IL18R1: variants seen among roughly 807,000 people sequenced by gnomAD.
IL18R1 encodes the protein interleukin-18 receptor 1.
Under a neutral mutation model 48.5 loss-of-function variants are expected in IL18R1, and 40 were observed. The ratio of observed to expected loss-of-function variants is 0.82; its 90% CI spans 0.64 to 1.07. The LOEUF (loss-of-function observed/expected upper bound fraction) is 1.07. Ranked by LOEUF, IL18R1 falls within the 50% of genes least tolerant of loss-of-function variation. The probability of loss-of-function intolerance (pLI) is 0.00; values close to 1 mark genes in which losing one functional copy is unlikely to be tolerated. For missense variants in IL18R1, 596 were observed against 633.7 expected (o/e 0.94, Z 0.64); for synonymous variants, 232 against 225.9 (o/e 1.03, Z -0.24).
intron 5 of IL18R1, among the ~76,000 whole-genome samples, chr2:102,380,246 A>G (rs935953244): frequency 6.6e-6 from 1 of 152,186 alleles, no homozygotes; most frequent in African/African-American, 2.4e-5. Flanking sequence ...CCAGTTGTGC[A>G]AACTCAGGGC....
rs1680867091 is a variant in IL18R1, at chr2:102,397,122, T to C, written c.*236T>C. The C allele has an allele frequency of 2.3e-6, 1 of 442,458 alleles. No homozygotes were observed. Among genetic ancestry groups the C allele is most frequent in the Non-Finnish European group, 4.0e-6 (1 of 251,850 alleles). The allele number at this position is 442,458 out of a possible 1,614,324, so 27.4% of individuals were successfully genotyped here. A position where few individuals can be genotyped will look rare whatever the true frequency, so the allele number is the denominator to read the frequency against. On this transcript the variant is annotated 3_prime_UTR_variant, in exon 11 of 11. Coordinates refer to ENST00000233957, the MANE Select transcript of IL18R1 (RefSeq NM_003855.5). ...TTCAAAAGAAATGGAGCTATTCTTT[T>C]TCTCCCTCTTTCATAACTGGATGCA... is the stretch of plus-strand genomic sequence containing the variant.
intron 9 of IL18R1, among the ~76,000 whole-genome samples, chr2:102,391,509 G>A (rs1680568309): frequency 6.6e-6 from 1 of 152,120 alleles, no homozygotes. Flanking sequence ...CATTTGGCTT[G>A]TTTCCAATCT....
intron 1 of IL18R1, among the ~76,000 whole-genome samples, chr2:102,360,636 T>A (rs1678521925): frequency 6.6e-6 from 1 of 152,224 alleles, no homozygotes; most frequent in Non-Finnish European, 1.5e-5. Flanking sequence ...ATGTTGAGAT[T>A]ATTTTCTTCT....
intron 1 of IL18R1, among the ~76,000 whole-genome samples, chr2:102,357,881 C>T (rs1014987443): frequency 2.0e-5 from 3 of 150,756 alleles, no homozygotes; most frequent in Non-Finnish European, 4.4e-5. Context: ...AGAGTTTAAG[C>T]GTGTGTGTGT....
rs770217181 is a variant in IL18R1, at chr2:102,362,715, G to T, written c.55G>T (p.Ala19Ser). 1.0e-5 allele frequency: 16 copies of T among 1,562,698 alleles called. No homozygotes were observed. Among genetic ancestry groups the T allele is most frequent in the Non-Finnish European group, 1.4e-5 (16 of 1,139,588 alleles). The change falls in exon 2 of 11, where the codon GCA becomes TCA. Residue 19 changes from alanine to serine, a missense_variant. Physicochemically the swap from Ala to Ser is moderately conservative, Grantham distance 99. Transcript: ENST00000233957. ...TTGGGTGCTTATATCTGTAAGCACT[G>T]CAGGTAAGTGATTATACATACTCTC... ...TLWVLISVSTAESCTSRPHIT... is the reference protein window; with the variant it reads ...TLWVLISVSTSESCTSRPHIT...
rs1359730544 is a variant in IL18R1, at chr2:102,385,015, T to C, written c.809+17T>C. On this transcript the variant is annotated intron_variant, in intron 7 of 10. Coordinates refer to ENST00000233957, the MANE Select transcript of IL18R1 (RefSeq NM_003855.5). Reference sequence around the variant, plus strand: ...GAGAATTATGTATGTATGTGTAATATATATGTCATGATATATACCATATAA... The same window carrying C: ...GAGAATTATGTATGTATGTGTAATACATATGTCATGATATATACCATATAA... 7.2e-7 allele frequency: 1 copy of C among 1,387,438 alleles called. No homozygotes were observed. Among genetic ancestry groups the C allele is most frequent in the Non-Finnish European group, 1.0e-6 (1 of 979,130 alleles). 85.9% of individuals were successfully genotyped at this position (1,387,438 alleles called of 1,614,324 possible).
intron 9 of IL18R1, among the ~76,000 whole-genome samples, chr2:102,391,661 T>C (rs1188235488): frequency 6.6e-6 from 1 of 152,248 alleles, no homozygotes; most frequent in Non-Finnish European, 1.5e-5. Flanking sequence ...TGCTAGATAC[T>C]GTCAATTCAC....
chr2:102,389,943 G>A, intron 8 of IL18R1, 113 bp from the exon 9 acceptor site: 2 of 904,382 alleles, frequency 2.2e-6, no homozygotes, highest in South Asian at 1.6e-5. Context: ...CAGCACGTGG[G>A]TTGGCAACTA....
chr2:102,384,821 A>G (rs918178947), intron 6 of IL18R1, 57 bp from the exon 7 acceptor site: 7 of 1,589,480 alleles, frequency 4.4e-6, no homozygotes, highest in Non-Finnish European at 6.0e-6. Context: ...ATTGTTTTGA[A>G]ACTTTTAAGA....
At chr2:102,382,514 A>C (rs10204757) in intron 6 of IL18R1, among the ~76,000 whole-genome samples, 81,252 of 152,040 alleles carry the variant, frequency 0.53, 23,565 homozygotes, top group African/African-American at 0.73. Flanking sequence ...ACATATGCTA[A>C]ATATGCTAAG....
Position 102,379,170 on chromosome 2 carries a change from G to T in IL18R1, c.626-2450G>T, listed in dbSNP as rs187685487. ...AGAAATGAAGACCCTGGGGCCGGGT[G>T]TGGTGGCTCATGCTGGTAATCCTAG... is the stretch of plus-strand genomic sequence containing the variant. On this transcript the variant is annotated intron_variant, in intron 5 of 10. Transcript: ENST00000233957. 1.7e-4 allele frequency among the ~76,000 whole-genome samples: 26 copies of T among 152,344 alleles called. No homozygotes were observed. In the East Asian group the frequency reaches 4.6e-3, roughly 27 times the overall value.
intron 8 of IL18R1, among the ~76,000 whole-genome samples, chr2:102,389,777 AT>A (rs1416604686): frequency 1.3e-5 from 2 of 152,166 alleles, no homozygotes; most frequent in African/African-American, 4.8e-5. Context: ...CAGAAATCTG[AT>A]TTCCACGGGT....
rs901121274 is a variant in IL18R1 at position 102,398,598 on chromosome 2, C to T, written c.*1712C>T. ...TATATAATCAAAATAGATTTCATTG[C>T]TATTGCATAGTCTCTAATACATAGA... On this transcript the variant is annotated 3_prime_UTR_variant, in exon 11 of 11. Transcript: ENST00000233957. 2.0e-5 allele frequency: 3 copies of T among 152,200 alleles called. No homozygotes were observed. Among genetic ancestry groups the T allele is most frequent in the Non-Finnish European group, 4.4e-5 (3 of 68,028 alleles). 9.4% of individuals were successfully genotyped at this position (152,200 alleles called of 1,614,324 possible). A position where few individuals can be genotyped will look rare whatever the true frequency, so the allele number is the denominator to read the frequency against.
At chr2:102,387,679 T>C (rs1425914994) in intron 8 of IL18R1, among the ~76,000 whole-genome samples, 1 of 152,002 alleles carries the variant, frequency 6.6e-6, no homozygotes, top group Non-Finnish European at 1.5e-5. Flanking sequence ...ATTCCCAGGC[T>C]CCACCATCAA....
intron 5 of IL18R1, among the ~76,000 whole-genome samples, chr2:102,379,158 C>T (rs1180227283): frequency 6.6e-6 from 1 of 152,078 alleles, no homozygotes; most frequent in Non-Finnish European, 1.5e-5. Flanking sequence ...AATGAAGACC[C>T]TGGGGCCGGG....
At chr2:102,369,637 A>G (rs1679132797) in intron 3 of IL18R1, among the ~76,000 whole-genome samples, 1 of 152,232 alleles carries the variant, frequency 6.6e-6, no homozygotes, top group African/African-American at 2.4e-5. Flanking sequence ...ATATAGCATA[A>G]TTAGTAAGCA....
rs1401148338 is a variant in IL18R1 at position 102,356,334 on chromosome 2, C to T, written c.-95C>T. The T allele has an allele frequency of 2.0e-6, 2 of 985,230 alleles. No homozygotes were observed. The highest frequency in any genetic ancestry group is 3.5e-5 in the African/African-American group (2 of 57,290). The allele number at this position is 985,230 out of a possible 1,614,324, so 61.0% of individuals were successfully genotyped here. Reference sequence around the variant, plus strand: ...ACCTACTTTCTGAACTTGGCCTCCGCAGTCGCGACCTGGCGTGAAGGAGGA... The same window carrying T: ...ACCTACTTTCTGAACTTGGCCTCCGTAGTCGCGACCTGGCGTGAAGGAGGA... On this transcript the variant is annotated 5_prime_UTR_variant, in exon 1 of 11. Transcript: ENST00000233957.
chr2:102,395,777 C>T (rs13392126), intron 10 of IL18R1, among the ~76,000 whole-genome samples: 1 of 152,164 alleles, frequency 6.6e-6, no homozygotes, highest in Non-Finnish European at 1.5e-5. Context: ...GGTTAAACCT[C>T]TATTTGAGAA....
At chr2:102,395,693 C>G (rs557797035) in intron 10 of IL18R1, among the ~76,000 whole-genome samples, 16 of 152,210 alleles carry the variant, frequency 1.1e-4, no homozygotes, top group Admixed American at 2.6e-4. Flanking sequence ...TTTCTAGGGG[C>G]CTTTCTTGAA....
Sources: allele counts gnomAD v4.1 joint callset (sites outside exome capture counted in the v4.1 genomes callset), GRCh38; gene constraint gnomAD v4.1.1; transcripts MANE v1.5; gene names NCBI Gene and HGNC (gene_info 2026-07-23, HGNC 2026-07-21).